PRKG1: variants seen among roughly 807,000 people sequenced by gnomAD.
PRKG1 encodes the protein protein kinase cGMP-dependent 1, also known as cGMP-dependent protein kinase 1.
PRKG1 carries 35 observed loss-of-function variants against 88.1 expected under a neutral mutation model. The observed-to-expected ratio is 0.40, with a 90% CI of 0.30 to 0.53. PRKG1 has a LOEUF of 0.53. PRKG1 is among the 20% of genes least tolerant of loss of function. The probability of loss-of-function intolerance (pLI) is 0.59; values close to 1 mark genes in which losing one functional copy is unlikely to be tolerated. For missense variants in PRKG1, 540 were observed against 839.8 expected (o/e 0.64, Z 4.41); for synonymous variants, 303 against 292.5 (o/e 1.04, Z -0.37).
intron 1 of PRKG1, among the ~76,000 whole-genome samples, chr10:51,099,856 C>T (rs914774499): frequency 4.6e-5 from 7 of 152,058 alleles, no homozygotes; most frequent in African/African-American, 1.2e-4. Context: ...ATCATGAGCC[C>T]GTTTAATAAG....
chr10:51,693,131 T>A (rs988197373), intron 3 of PRKG1, among the ~76,000 whole-genome samples: 53 of 151,698 alleles, frequency 3.5e-4, no homozygotes, highest in African/African-American at 1.2e-3. Flanking sequence ...CTACTAAAAC[T>A]ACAAAAATCA....
At chr10:51,940,443 G>A (rs1017246600) in intron 5 of PRKG1, among the ~76,000 whole-genome samples, 20 of 151,858 alleles carry the variant, frequency 1.3e-4, no homozygotes, top group Admixed American at 4.6e-4. Context: ...CCCTTTTGAT[G>A]TGATATGTGA....
chr10:52,221,253 C>T (rs1162662847), intron 9 of PRKG1, among the ~76,000 whole-genome samples: 1 of 152,018 alleles, frequency 6.6e-6, no homozygotes, highest in Non-Finnish European at 1.5e-5. Flanking sequence ...CGATTCTTGC[C>T]TCACAGAAGC....
At chr10:51,282,658 A>G (rs1840330564) in intron 2 of PRKG1, among the ~76,000 whole-genome samples, 2 of 152,322 alleles carry the variant, frequency 1.3e-5, no homozygotes, top group South Asian at 2.1e-4. Flanking sequence ...GCAAATTTTA[A>G]AAACTAGTTT....
intron 9 of PRKG1, among the ~76,000 whole-genome samples, chr10:52,195,213 T>TTTTCATG (rs550933963): frequency 0.011 from 1,362 of 119,958 alleles, 27 homozygotes; most frequent in African/African-American, 0.042. Context: ...ATGCCACTGC[T>TTTTCATG]TTTCATGTTT....
chr10:51,760,444 A>C (rs963372613), intron 3 of PRKG1, among the ~76,000 whole-genome samples: 1 of 147,590 alleles, frequency 6.8e-6, no homozygotes, highest in African/African-American at 2.5e-5. Context: ...CCACTTATTC[A>C]TTTATTAAGT....
chr10:52,075,337 AC>A (rs1846601995), intron 7 of PRKG1, among the ~76,000 whole-genome samples: 1 of 152,238 alleles, frequency 6.6e-6, no homozygotes. Context: ...CTATACGCTC[AC>A]CGCAATCCCA....
At chr10:51,425,731 A>C (rs1430396263) in intron 2 of PRKG1, among the ~76,000 whole-genome samples, 1 of 152,202 alleles carries the variant, frequency 6.6e-6, no homozygotes, top group Admixed American at 6.5e-5. Flanking sequence ...TTCCAAAGAA[A>C]ACATGCCAGC....
rs189926907 is a variant in PRKG1, at chr10:51,565,560, G to C, written c.592+97724G>C. Among the ~76,000 whole-genome samples, 3 of 152,226 alleles carry C rather than the reference G, an allele frequency of 2.0e-5. No homozygotes were observed. The East Asian group carries it at 5.8e-4, about 29-fold the overall frequency. ...TAGAAGCCTGAAGGTGAATTATCCTGTTGGGTTCAGATGAGTGCAAATTAG... is the reference window on the plus strand; with the variant it reads ...TAGAAGCCTGAAGGTGAATTATCCTCTTGGGTTCAGATGAGTGCAAATTAG... On this transcript the variant is annotated intron_variant, in intron 3 of 17. Transcript: ENST00000373980.
chr10:51,019,461 G>T (rs1843106230), intron 1 of PRKG1, among the ~76,000 whole-genome samples: 1 of 152,066 alleles, frequency 6.6e-6, no homozygotes, highest in Non-Finnish European at 1.5e-5. Context: ...CAAGGAAGTT[G>T]GGTCCTTACC....
chr10:51,834,694 A>AAGAG (rs1209824300), intron 4 of PRKG1, among the ~76,000 whole-genome samples: 7 of 139,782 alleles, frequency 5.0e-5, no homozygotes, highest in African/African-American at 1.3e-4. Flanking sequence ...GAAAGAAAGA[A>AAGAG]AGAGAGAGAG....
intron 4 of PRKG1, among the ~76,000 whole-genome samples, chr10:51,858,885 C>T (rs1224712186): frequency 6.6e-6 from 1 of 152,046 alleles, no homozygotes; most frequent in African/African-American, 2.4e-5. Context: ...GTCTTTATCT[C>T]AATAGGCAAA....
At chr10:52,003,071 G>A (rs1230994915) in intron 5 of PRKG1, among the ~76,000 whole-genome samples, 2 of 152,116 alleles carry the variant, frequency 1.3e-5, no homozygotes, top group Admixed American at 6.5e-5. Flanking sequence ...TCCTTGCATG[G>A]TGTTTAAGCC....
intron 2 of PRKG1, among the ~76,000 whole-genome samples, chr10:51,314,828 A>T (rs4041306): frequency 0.59 from 89,008 of 152,048 alleles, 26,380 homozygotes; most frequent in African/African-American, 0.68. Context: ...GTCTCGGAAA[A>T]GGCCATTTAA....
chr10:51,418,083 A>G (rs1417851506), intron 2 of PRKG1, among the ~76,000 whole-genome samples: 1 of 152,296 alleles, frequency 6.6e-6, no homozygotes, highest in East Asian at 1.9e-4. Flanking sequence ...TGCTTTCCTT[A>G]TGCTGGCCTT....
intron 9 of PRKG1, among the ~76,000 whole-genome samples, chr10:52,207,169 G>C (rs1839841672): frequency 6.6e-6 from 1 of 152,194 alleles, no homozygotes; most frequent in Non-Finnish European, 1.5e-5. Flanking sequence ...GGGAGGCGAG[G>C]TCTACTTGCA....
intron 9 of PRKG1, among the ~76,000 whole-genome samples, chr10:52,225,534 T>C (rs942340919): frequency 1.3e-5 from 2 of 152,222 alleles, no homozygotes; most frequent in African/African-American, 4.8e-5. Flanking sequence ...GCATTTGCTT[T>C]TGGGTCCTTG....
rs200695914 is a variant in PRKG1 at position 51,679,704 on chromosome 10, C to CTT, written c.593-124866_593-124865dup. Among the ~76,000 whole-genome samples the CTT allele has an allele frequency of 6.8e-3, 743 of 109,550 alleles. 2 individuals are homozygous for CTT. The highest frequency in any genetic ancestry group is 8.9e-3 in the Non-Finnish European group (483 of 54,506). 71.9% of individuals were successfully genotyped at this position (109,550 alleles called of 152,430 possible). ...GAGAATAGGGTCTGGGGGCAGGGAA[C>CTT]TTTTTTTTTTTTTTTTAATGTTTTT... On this transcript the variant is annotated intron_variant, in intron 3 of 17. Coordinates refer to ENST00000373980, the MANE Select transcript of PRKG1 (RefSeq NM_006258.4).
chr10:52,218,887 A>G (rs1033607253), intron 9 of PRKG1, among the ~76,000 whole-genome samples: 2 of 152,164 alleles, frequency 1.3e-5, no homozygotes, highest in Non-Finnish European at 2.9e-5. Context: ...CCATAATATA[A>G]TGTTAATAAT....
Sources: gnomAD v4.1 joint callset for allele counts (sites outside exome capture counted in the v4.1 genomes callset) on GRCh38, gnomAD v4.1.1 for gene constraint, MANE v1.5 for transcripts, NCBI Gene and HGNC (gene_info 2026-07-23, HGNC 2026-07-21) for gene names.